Variants in GEMIN5 observed in about 807,000 individuals in gnomAD.
GEMIN5 encodes the protein gem nuclear organelle associated protein 5, also known as gem-associated protein 5.
GEMIN5 carries 124 observed loss-of-function variants against 176.9 expected under a neutral mutation model. That is an observed-to-expected ratio of 0.70 (90% CI 0.61 to 0.81). The LOEUF (loss-of-function observed/expected upper bound fraction) is 0.81. Among genes scored for constraint, GEMIN5 ranks in the 40% least tolerant of loss-of-function variants. The pLI, the probability that GEMIN5 is intolerant of heterozygous loss-of-function variation, is 0.00. For synonymous variants in GEMIN5, 673 were observed against 665.2 expected (o/e 1.01, Z -0.18); for missense variants, 1,843 against 1,814.6 (o/e 1.02, Z -0.28).
intron 19 of GEMIN5, 76 bp from the exon 20 acceptor site, chr5:154,902,752 G>T: frequency 2.7e-6 from 4 of 1,455,968 alleles, no homozygotes; most frequent in Non-Finnish European, 3.8e-6. Context: ...AGAAAGGCAA[G>T]ATAGAAGAGA....
rs144363013 is a variant in GEMIN5 at position 154,898,553 on chromosome 5, C to T, written c.3232G>A (p.Val1078Ile). The change falls in exon 23 of 28, where the codon GTA becomes ATA. Residue 1078 changes from valine to isoleucine, a missense_variant. Physicochemically the swap from Val to Ile is conservative, Grantham distance 29. Transcript: ENST00000285873. ...LRTAAELAAIVGEDELSASLA... is the reference protein window; with the variant it reads ...LRTAAELAAIIGEDELSASLA... ...GAAGCAGACAACTCATCCTCTCCTA[C>T]GATGGCAGCCAACTCTGCAGCCGTT... 1.9e-4 allele frequency: 303 copies of T among 1,614,108 alleles called. No individual in the cohort carries two copies. Among genetic ancestry groups the T allele is most frequent in the African/African-American group, 5.3e-4 (40 of 75,050 alleles).
chr5:154,901,190 G>C, intron 21 of GEMIN5, 149 bp downstream of exon 21: 1 of 663,160 alleles, frequency 1.5e-6, no homozygotes, highest in Non-Finnish European at 2.5e-6. Context: ...GTTGGATGTG[G>C]TGGCATGCAC....
intron 24 of GEMIN5, among the ~76,000 whole-genome samples, chr5:154,892,916 G>A (rs1763267101): frequency 6.6e-6 from 1 of 151,988 alleles, no homozygotes; most frequent in African/African-American, 2.4e-5. Context: ...GGCCAACATG[G>A]TGAAACCCCG....
At chr5:154,922,210 C>T (rs900875641) in intron 9 of GEMIN5, among the ~76,000 whole-genome samples, 1 of 152,170 alleles carries the variant, frequency 6.6e-6, no homozygotes, top group African/African-American at 2.4e-5. Context: ...CTCTGTCACC[C>T]AGGCTGGAGT....
Position 154,913,026 on chromosome 5 carries a change from T to C in GEMIN5, c.1868A>G (p.Glu623Gly). The change falls in exon 14 of 28, where the codon GAG (glutamate) becomes GGG (glycine). Residue 623 changes from glutamate (E) to glycine (G), a missense_variant. By Grantham distance (98) the Glu-to-Gly change is moderately conservative. Coordinates refer to ENST00000285873, the MANE Select transcript of GEMIN5 (RefSeq NM_015465.5). ...GGGCTCTGTAATGGTCACTGGAGAC[T>C]CAGGGCTGCTCTCTAAAAGGCAAAG... is the stretch of plus-strand genomic sequence containing the variant. Reference protein sequence around the residue: ...NLKTVIESSPESPVTITEPYR... With the variant: ...NLKTVIESSPGSPVTITEPYR... 1 of 1,611,054 alleles carries C rather than the reference T, an allele frequency of 6.2e-7. No individual in the cohort carries two copies. Among genetic ancestry groups the C allele is most frequent in the Non-Finnish European group, 8.5e-7 (1 of 1,178,812 alleles).
At chr5:154,903,200 A>C in intron 18 of GEMIN5, 25 bp from the exon 19 acceptor site, 2 of 1,451,374 alleles carry the variant, frequency 1.4e-6, no homozygotes, top group Non-Finnish European at 1.9e-6. Flanking sequence ...AGGCAAAAAA[A>C]TCAGATGAAG....
At chr5:154,903,396 A>C (rs990906381) in intron 18 of GEMIN5, among the ~76,000 whole-genome samples, 1 of 152,206 alleles carries the variant, frequency 6.6e-6, no homozygotes, top group African/African-American at 2.4e-5. Context: ...TGCAGTAAAA[A>C]ACAAGCAAAA....
intron 3 of GEMIN5, among the ~76,000 whole-genome samples, chr5:154,932,758 T>C (rs1464545213): frequency 2.0e-5 from 3 of 152,056 alleles, no homozygotes; most frequent in Non-Finnish European, 4.4e-5. Context: ...GAGATGAGGT[T>C]TCACCATGTT....
chr5:154,907,784 G>C lies in GEMIN5; in HGVS notation c.2202C>G (p.Leu734=). The C allele has an allele frequency of 6.2e-7, 1 of 1,613,850 alleles. No homozygotes were observed. Among genetic ancestry groups the C allele is most frequent in the Non-Finnish European group, 8.5e-7 (1 of 1,179,956 alleles). ...KKSIELEKKR[L]SQPKAKPKKK... ...TTTTGGGCTTTGCCTTAGGTTGAGA[G>C]AGCCGTTTTTTCTCCAATTCAATAC... Residue 734 remains leucine (L), a synonymous_variant, in exon 16 of 28, where the codon CTC becomes CTG. Coordinates refer to ENST00000285873, the MANE Select transcript of GEMIN5 (RefSeq NM_015465.5).
chr5:154,920,824 A>G (rs1763906864), intron 10 of GEMIN5, among the ~76,000 whole-genome samples: 1 of 152,232 alleles, frequency 6.6e-6, no homozygotes, highest in African/African-American at 2.4e-5. Flanking sequence ...AAAAGCTAAT[A>G]GAAAAGACTC....
chr5:154,921,295 G>A (rs1239785836), intron 10 of GEMIN5, 48 bp downstream of exon 10: 7 of 861,272 alleles, frequency 8.1e-6, no homozygotes, highest in Non-Finnish European at 1.2e-5. Flanking sequence ...GGATTAAACT[G>A]AAGGAAGAAT....
At chr5:154,912,828 T>C (rs1763730486) in intron 14 of GEMIN5, 71 bp downstream of exon 14, 1 of 1,352,134 alleles carries the variant, frequency 7.4e-7, no homozygotes, top group Non-Finnish European at 1.0e-6. Flanking sequence ...TGTTCACAAC[T>C]GGGGGAAAAG....
chr5:154,916,593 T>C (rs1390682325), intron 13 of GEMIN5, among the ~76,000 whole-genome samples: 2 of 152,138 alleles, frequency 1.3e-5, no homozygotes, highest in Non-Finnish European at 2.9e-5. Flanking sequence ...AATCAGATGA[T>C]CCTCTCAGCT....
At chr5:154,891,055 C>CTTTTTT (rs548747613) in intron 26 of GEMIN5, among the ~76,000 whole-genome samples, 186 bp downstream of exon 26, 85 of 93,952 alleles carry the variant, frequency 9.0e-4, no homozygotes, top group African/African-American at 1.3e-3. Flanking sequence ...TGTGCCCGGG[C>CTTTTTT]TTTTTTTTTT....
At chr5:154,936,130 A>C in intron 2 of GEMIN5, 108 bp from the exon 3 acceptor site, 2 of 721,686 alleles carry the variant, frequency 2.8e-6, no homozygotes, top group Middle Eastern at 3.9e-4. Flanking sequence ...AAAAGTAATT[A>C]ATACGGCCGG....
chr5:154,917,316 T>C, intron 12 of GEMIN5, 137 bp from the exon 13 acceptor site: 1 of 427,010 alleles, frequency 2.3e-6, no homozygotes, highest in South Asian at 1.0e-4. Context: ...ACTGCAAAGG[T>C]CATTCTCTCA....
intron 12 of GEMIN5, 136 bp downstream of exon 12, chr5:154,917,795 G>A (rs545290882): frequency 3.3e-5 from 22 of 662,972 alleles, no homozygotes; most frequent in Middle Eastern, 4.9e-4. Flanking sequence ...CTGGATCAGC[G>A]GAGGATATCA....
At chr5:154,919,787 G>T (rs1431509438) in intron 11 of GEMIN5, among the ~76,000 whole-genome samples, 180 bp downstream of exon 11, 1 of 151,832 alleles carries the variant, frequency 6.6e-6, no homozygotes, top group Admixed American at 6.6e-5. Context: ...TTTTATTCGA[G>T]GATAAAGACT....
intron 6 of GEMIN5, among the ~76,000 whole-genome samples, chr5:154,927,972 C>T (rs2113507015): frequency 6.7e-6 from 1 of 149,856 alleles, no homozygotes; most frequent in Middle Eastern, 3.4e-3. Context: ...GCCTGGGTGA[C>T]AGAGCAAGAC....
Sources: allele counts gnomAD v4.1 joint callset (sites outside exome capture counted in the v4.1 genomes callset), GRCh38; gene constraint gnomAD v4.1.1; transcripts MANE v1.5; gene names NCBI Gene and HGNC (gene_info 2026-07-23, HGNC 2026-07-21).